The following LIMCH1 variants were observed in gnomAD, a reference collection of about 807,000 sequenced individuals.
The protein encoded by LIMCH1 is LIM and calponin homology domains 1.
A neutral mutation model predicts 176.5 loss-of-function variants in LIMCH1; 113 were observed. That is an observed-to-expected ratio of 0.64 (90% CI 0.55 to 0.75). The LOEUF is 0.75. Among genes scored for constraint, LIMCH1 ranks in the 30% least tolerant of loss-of-function variants. The pLI, the probability that LIMCH1 is intolerant of heterozygous loss-of-function variation, is 0.00. For missense variants in LIMCH1, 1,674 were observed against 1,814.9 expected (o/e 0.92, Z 1.41); for synonymous variants, 619 against 645.9 (o/e 0.96, Z 0.63).
chr4:41,481,686 G>C (rs1327239858), intron 1 of LIMCH1, among the ~76,000 whole-genome samples: 1 of 152,002 alleles, frequency 6.6e-6, no homozygotes, highest in East Asian at 1.9e-4. Flanking sequence ...ATATATTTTG[G>C]GGGGAGAATG....
chr4:41,501,857 C>CTTTTT (rs71198662), intron 2 of LIMCH1, among the ~76,000 whole-genome samples: 9 of 74,984 alleles, frequency 1.2e-4, no homozygotes, highest in African/African-American at 2.3e-4. Context: ...GTGTAGAATC[C>CTTTTT]TTTTTTTTTT....
chr4:41,603,029 T>C (rs925203527), intron 2 of LIMCH1, among the ~76,000 whole-genome samples: 5 of 152,204 alleles, frequency 3.3e-5, no homozygotes, highest in Non-Finnish European at 1.5e-5. Context: ...GGTTCACTTA[T>C]TCATTAATAT....
chr4:41,404,044 A>G (rs2058721217), intron 1 of LIMCH1, among the ~76,000 whole-genome samples: 1 of 152,222 alleles, frequency 6.6e-6, no homozygotes, highest in Non-Finnish European at 1.5e-5. Context: ...TATGCATAAT[A>G]GTGCATGCCA....
In LIMCH1 at chr4:41,647,029, T is replaced by C. The variant is rs932443296; in HGVS notation, c.2820+136T>C. ...GTGTTGACATTTACAGCTGTGAAAG[T>C]CATAGGTCTCTGGAGATTTGGTTTG... is the stretch of plus-strand genomic sequence containing the variant. On this transcript the variant is annotated intron_variant, in intron 17 of 31. Transcript: ENST00000503057. 3 of 825,324 alleles carry C rather than the reference T, an allele frequency of 3.6e-6. No individual in the cohort carries two copies. The African/African-American group carries it at 5.2e-5, about 14-fold the overall frequency. 51.1% of individuals were successfully genotyped at this position (825,324 alleles called of 1,614,324 possible).
chr4:41,555,214 G>A (rs764809567), intron 1 of LIMCH1, among the ~76,000 whole-genome samples: 9 of 152,214 alleles, frequency 5.9e-5, no homozygotes, highest in Non-Finnish European at 1.3e-4. Flanking sequence ...TCAGGGTGGT[G>A]TTGATTTAGC....
chr4:41,663,019 A>G (rs2094682426), intron 20 of LIMCH1, 35 bp downstream of exon 20: 2 of 1,594,964 alleles, frequency 1.3e-6, no homozygotes, highest in East Asian at 2.2e-5. Flanking sequence ...GGTTAAACCC[A>G]CAAGTTAACA....
At position 41,631,439 on chromosome 4, in the gene LIMCH1, A is replaced by C. The variant is rs2093319329; in HGVS notation, c.1563A>C (p.Leu521Phe). 6.6e-7 allele frequency: 1 copy of C among 1,524,960 alleles called. No individual in the cohort carries two copies. Among genetic ancestry groups the C allele is most frequent in the African/African-American group, 1.4e-5 (1 of 72,452 alleles). 94.5% of individuals were successfully genotyped at this position (1,524,960 alleles called of 1,614,324 possible). The change falls in exon 10 of 32, where the codon TTA (leucine) becomes TTC (phenylalanine). Residue 521 changes from leucine (L) to phenylalanine (F), a missense_variant. Physicochemically the swap from Leu to Phe is conservative, Grantham distance 22. This residue lies in a region of LIMCH1 where 655 missense variants were observed against 692.2 expected (regional missense o/e 0.95). Coordinates refer to ENST00000503057, the MANE Select transcript of LIMCH1 (RefSeq NM_001330672.2). Reference protein sequence around the residue: ...VSPVSAATSSLKGHQIFNRQN... With the variant: ...VSPVSAATSSFKGHQIFNRQN... Reference sequence around the variant, plus strand: ...CTGTCTCAGCGGCCACTTCCAGCTTAAAGGGCCACCAAATATTTAATCGAC... The same window carrying C: ...CTGTCTCAGCGGCCACTTCCAGCTTCAAGGGCCACCAAATATTTAATCGAC...
At chr4:41,444,146 T>C (rs2063002286) in intron 1 of LIMCH1, among the ~76,000 whole-genome samples, 1 of 152,164 alleles carries the variant, frequency 6.6e-6, no homozygotes, top group African/African-American at 2.4e-5. Flanking sequence ...TGAATAGTTC[T>C]AAAGATGTAG....
intron 10 of LIMCH1, among the ~76,000 whole-genome samples, chr4:41,632,416 G>A (rs1241163429): frequency 6.6e-6 from 1 of 151,868 alleles, no homozygotes; most frequent in African/African-American, 2.4e-5. Context: ...GAAATAAAGA[G>A]TTGAGGTTTC....
chr4:41,654,375 A>G (rs916419047), intron 18 of LIMCH1, among the ~76,000 whole-genome samples: 1 of 152,114 alleles, frequency 6.6e-6, no homozygotes, highest in African/African-American at 2.4e-5. Flanking sequence ...TCTCCAGATG[A>G]TTTTGCCCAA....
chr4:41,628,356 C>T (rs113945514), intron 8 of LIMCH1, among the ~76,000 whole-genome samples: 2,422 of 150,866 alleles, frequency 0.016, 35 homozygotes, highest in East Asian at 0.081. Flanking sequence ...TCTGTGTTTG[C>T]GGACGCAGTT....
intron 2 of LIMCH1, among the ~76,000 whole-genome samples, chr4:41,502,240 T>C (rs879442852): frequency 2.0e-5 from 3 of 152,146 alleles, no homozygotes; most frequent in African/African-American, 4.8e-5. Context: ...AGGATATAAT[T>C]TCATTCCTTT....
At chr4:41,524,337 C>G in intron 2 of LIMCH1, 2 of 1,134,416 alleles carry the variant, frequency 1.8e-6, no homozygotes, top group Admixed American at 3.4e-5. Context: ...TAGCTGTAGC[C>G]CCGGATAAAG....
intron 13 of LIMCH1, among the ~76,000 whole-genome samples, chr4:41,636,305 G>T (rs979900197): frequency 6.9e-6 from 1 of 144,764 alleles, no homozygotes; most frequent in South Asian, 2.2e-4. Flanking sequence ...AACCTATTGA[G>T]TCACGTACTT....
intron 16 of LIMCH1, 39 bp from the exon 17 acceptor site, chr4:41,646,446 A>C: frequency 1.3e-6 from 2 of 1,591,396 alleles, no homozygotes; most frequent in Non-Finnish European, 1.7e-6. Context: ...TGCAATTTTC[A>C]TTAGTTGACT....
In LIMCH1 at chr4:41,664,136, C is replaced by T. The variant is rs538493413; in HGVS notation, c.3291+1152C>T. The stretch of plus-strand genomic sequence containing the variant: ...AGGCATCTGTATTTTTTAAAGCTCC[C>T]AGGTAATTTTAATGGGCCACCACTA... On this transcript the variant is annotated intron_variant, in intron 20 of 31. Transcript: ENST00000503057. Among the ~76,000 whole-genome samples the T allele has an allele frequency of 3.3e-5, 5 of 152,274 alleles. No homozygotes were observed. The East Asian group carries it at 9.7e-4, about 29-fold the overall frequency.
chr4:41,532,311 A>T (rs1054810121), intron 3 of LIMCH1, among the ~76,000 whole-genome samples: 10 of 152,186 alleles, frequency 6.6e-5, no homozygotes, highest in Admixed American at 5.9e-4. Context: ...CAGCCTTTAC[A>T]GTTAGCTTGT....
intron 7 of LIMCH1, among the ~76,000 whole-genome samples, chr4:41,625,720 C>T (rs182189614): frequency 2.4e-4 from 36 of 152,234 alleles, no homozygotes; most frequent in East Asian, 1.2e-3. Context: ...AAACACCCAA[C>T]GGAATTTGCA....
At position 41,620,231 on chromosome 4, in the gene LIMCH1, A is replaced by G. The variant is rs182161578; in HGVS notation, c.459-193A>G. 5.9e-5 allele frequency: 34 copies of G among 578,520 alleles called. No individual in the cohort carries two copies. In the East Asian group the frequency reaches 9.5e-4, roughly 16 times the overall value. 35.8% of individuals were successfully genotyped at this position (578,520 alleles called of 1,614,324 possible). ...ATTATCAAGTCTGGGATAACTCTCAATGTTGCGGGTATGATGCATTGTATG... is the reference window on the plus strand; with the variant it reads ...ATTATCAAGTCTGGGATAACTCTCAGTGTTGCGGGTATGATGCATTGTATG... On this transcript the variant is annotated intron_variant, in intron 6 of 31. Transcript: ENST00000503057.
Sources: gnomAD v4.1 joint callset for allele counts (sites outside exome capture counted in the v4.1 genomes callset) on GRCh38, gnomAD v4.1.1 for gene constraint, gnomAD v4.1.1 regional missense constraint, MANE v1.5 for transcripts, NCBI Gene and HGNC (gene_info 2026-07-23, HGNC 2026-07-21) for gene names.